The following ABL1 variants were observed in gnomAD, a reference collection of about 807,000 sequenced individuals.
ABL1 encodes the protein ABL proto-oncogene 1, non-receptor tyrosine kinase.
ABL1 carries 11 observed loss-of-function variants against 94.7 expected under a neutral mutation model. The observed-to-expected ratio is 0.12, with a 90% CI of 0.07 to 0.19. The LOEUF (loss-of-function observed/expected upper bound fraction) is 0.19. Ranked by LOEUF, ABL1 falls within the 10% of genes least tolerant of loss-of-function variation. The pLI is 1.00. For missense variants in ABL1, 1,082 were observed against 1,489.4 expected (o/e 0.73, Z 4.50); for synonymous variants, 656 against 622.4 (o/e 1.05, Z -0.80).
chr9:130,842,509 AT>A (rs1830691463), intron 1 of ABL1, among the ~76,000 whole-genome samples: 1 of 152,220 alleles, frequency 6.6e-6, no homozygotes, highest in Non-Finnish European at 1.5e-5. Flanking sequence ...CGTGAATACA[AT>A]TAGGCATTGC....
At chr9:130,820,025 T>C (rs1173194466) in intron 1 of ABL1, among the ~76,000 whole-genome samples, 1 of 151,982 alleles carries the variant, frequency 6.6e-6, no homozygotes, top group African/African-American at 2.4e-5. Flanking sequence ...GACTTCTGCT[T>C]GTTGGACTTC....
chr9:130,858,068 C>T (rs764809547), intron 3 of ABL1, among the ~76,000 whole-genome samples: 4 of 151,532 alleles, frequency 2.6e-5, no homozygotes, highest in African/African-American at 7.3e-5. Flanking sequence ...GCTATTTATC[C>T]AAGGCAAGTC....
chr9:130,885,976 C>G lies in ABL1; in HGVS notation c.*293C>G, dbSNP rs1215961696. On this transcript the variant is annotated 3_prime_UTR_variant, in exon 11 of 11. Transcript: ENST00000318560. ...ATGCCAGGACCCGCCAGCCCCGCTC[C>G]CACCTAGTGCCCCAGACTGAGCTCT... The G allele has an allele frequency of 2.3e-6, 1 of 434,980 alleles. No individual in the cohort carries two copies. The highest frequency in any genetic ancestry group is 3.9e-5 in the East Asian group (1 of 25,624). The allele number at this position is 434,980 out of a possible 1,614,324, so 26.9% of individuals were successfully genotyped here.
intron 1 of ABL1, among the ~76,000 whole-genome samples, chr9:130,721,835 T>G (rs1433693823): frequency 2.7e-4 from 41 of 149,974 alleles, no homozygotes; most frequent in African/African-American, 9.7e-4. Context: ...TTTTTTTTTT[T>G]TTTTGAGACA....
At chr9:130,765,186 A>G (rs1007850575) in intron 1 of ABL1, among the ~76,000 whole-genome samples, 2 of 151,976 alleles carry the variant, frequency 1.3e-5, no homozygotes, top group African/African-American at 4.8e-5. Context: ...ATGTTTGGTT[A>G]TTGGTTTTTG....
intron 1 of ABL1, among the ~76,000 whole-genome samples, chr9:130,792,489 C>CA (rs1157587482): frequency 6.6e-6 from 1 of 151,996 alleles, no homozygotes; most frequent in Non-Finnish European, 1.5e-5. Flanking sequence ...ATGAGTCCTT[C>CA]AGTTCTCCCC....
chr9:130,733,549 G>A (rs920271977), intron 1 of ABL1, among the ~76,000 whole-genome samples: 2 of 149,578 alleles, frequency 1.3e-5, no homozygotes, highest in African/African-American at 5.0e-5. Context: ...GTACAGGCGT[G>A]CACCACTGCG....
At chr9:130,744,306 C>T (rs1337233818) in intron 1 of ABL1, among the ~76,000 whole-genome samples, 1 of 151,666 alleles carries the variant, frequency 6.6e-6, no homozygotes, top group Non-Finnish European at 1.5e-5. Context: ...CCATGCCCAG[C>T]TAATTTTTGT....
rs1830796627 is a variant in ABL1, at chr9:130,847,815, C to CCT, written c.80-6247_80-6246dup. 1.5e-4 allele frequency among the ~76,000 whole-genome samples: 23 copies of CCT among 152,290 alleles called. 3 individuals carry two copies. In the South Asian group the frequency reaches 4.8e-3, roughly 32 times the overall value. On this transcript the variant is annotated intron_variant, in intron 1 of 10. Coordinates refer to ENST00000318560, the MANE Select transcript of ABL1 (RefSeq NM_005157.6). ...GAGGCCCTTTCCTTCCTAACAAAGG[C>CCT]CTCATCCTCTTGCATAACATTCCCA...
intron 10 of ABL1, 63 bp from the exon 11 acceptor site, chr9:130,883,906 C>G (rs1831510884): frequency 2.0e-6 from 3 of 1,529,246 alleles, no homozygotes; most frequent in South Asian, 1.3e-5. Context: ...CGGGTTCAAG[C>G]GATTCTCCTC....
At chr9:130,859,343 G>A (rs1831026076) in intron 3 of ABL1, among the ~76,000 whole-genome samples, 1 of 152,210 alleles carries the variant, frequency 6.6e-6, no homozygotes, top group African/African-American at 2.4e-5. Context: ...CAGAGTTGCA[G>A]GAAGGGACCA....
chr9:130,821,396 C>T (rs1178739616), intron 1 of ABL1, among the ~76,000 whole-genome samples: 1 of 152,058 alleles, frequency 6.6e-6, no homozygotes, highest in Non-Finnish European at 1.5e-5. Flanking sequence ...CAATATATGA[C>T]CTTTTGTGAC....
intron 4 of ABL1, among the ~76,000 whole-genome samples, chr9:130,870,314 A>T (rs570063388): frequency 5.3e-5 from 8 of 152,338 alleles, no homozygotes; most frequent in African/African-American, 1.9e-4. Context: ...ACCTCTCAAG[A>T]TTATTACATG....
rs771755417 is a variant in ABL1 at position 130,886,490 on chromosome 9, G to C, written c.*807G>C. 13 of 233,400 alleles carry C rather than the reference G, an allele frequency of 5.6e-5. No homozygotes were observed. The highest frequency in any genetic ancestry group is 1.0e-4 in the Non-Finnish European group (12 of 118,036). 14.5% of individuals were successfully genotyped at this position (233,400 alleles called of 1,614,324 possible). ...GAAAGCTTGAGTCTCAAGGGTGGCA[G>C]GTCACTGTCACTGCCGACATCCCTC... is the stretch of plus-strand genomic sequence containing the variant. On this transcript the variant is annotated 3_prime_UTR_variant, in exon 11 of 11. Transcript: ENST00000318560.
At chr9:130,850,002 T>G (rs1471622955) in intron 1 of ABL1, among the ~76,000 whole-genome samples, 1 of 152,164 alleles carries the variant, frequency 6.6e-6, no homozygotes, top group Non-Finnish European at 1.5e-5. Context: ...CTTGACTGAC[T>G]TGCTAAATTG....
intron 7 of ABL1, among the ~76,000 whole-genome samples, chr9:130,875,988 C>T (rs899616049): frequency 2.0e-5 from 3 of 152,058 alleles, no homozygotes; most frequent in Non-Finnish European, 2.9e-5. Flanking sequence ...CCACCACCCC[C>T]GGCTAATTTT....
chr9:130,877,292 A>T (rs1385873004), intron 7 of ABL1, among the ~76,000 whole-genome samples: 1 of 148,376 alleles, frequency 6.7e-6, no homozygotes, highest in Non-Finnish European at 1.5e-5. Flanking sequence ...TTCTCTAAGG[A>T]ATCTTATCCT....
chr9:130,883,985 G>T lies in ABL1; in HGVS notation c.1695G>T (p.Glu565Asp). The T allele has an allele frequency of 6.2e-7, 1 of 1,612,554 alleles. No homozygotes were observed. The highest frequency in any genetic ancestry group is 8.5e-7 in the Non-Finnish European group (1 of 1,179,596). Residue 565 changes from glutamate to aspartate, a missense_variant, in exon 11 of 11, where the codon GAG becomes GAT. Around this residue, in one of 7 missense-constraint regions of ABL1, gnomAD observed 780 missense variants for 835.8 expected, o/e 0.93. Coordinates refer to ENST00000318560, the MANE Select transcript of ABL1 (RefSeq NM_005157.6). The part of the protein sequence containing the change: ...GQGESDPLDH[E>D]PAVSPLLPRK... The stretch of plus-strand genomic sequence containing the variant: ...GCGTTTCAGATCCTCTGGACCATGA[G>T]CCTGCCGTGTCTCCATTGCTCCCTC...
chr9:130,788,315 T>G (rs1277497639), intron 1 of ABL1, among the ~76,000 whole-genome samples: 1 of 152,234 alleles, frequency 6.6e-6, no homozygotes, highest in Non-Finnish European at 1.5e-5. Flanking sequence ...TACATTACAT[T>G]TGCTTTACCA....
Sources: allele counts gnomAD v4.1 joint callset (sites outside exome capture counted in the v4.1 genomes callset), GRCh38; gene constraint gnomAD v4.1.1; regional missense constraint gnomAD v4.1.1; transcripts MANE v1.5; gene names NCBI Gene and HGNC (gene_info 2026-07-23, HGNC 2026-07-21).